GALNTL6: variants seen among roughly 807,000 people sequenced by gnomAD.
The protein encoded by GALNTL6 is polypeptide N-acetylgalactosaminyltransferase-like 6.
A neutral mutation model predicts 73.7 loss-of-function variants in GALNTL6; 46 were observed. The observed-to-expected ratio is 0.62, with a 90% CI of 0.49 to 0.80. GALNTL6 has a LOEUF of 0.80. Ranked by LOEUF, GALNTL6 falls within the 30% of genes least tolerant of loss-of-function variation. The pLI is 0.00. For synonymous variants in GALNTL6, 259 were observed against 263.7 expected (o/e 0.98, Z 0.17); for missense variants, 604 against 755.0 (o/e 0.80, Z 2.34).
intron 2 of GALNTL6, among the ~76,000 whole-genome samples, chr4:172,067,333 C>T (rs189699572): frequency 2.6e-5 from 4 of 152,128 alleles, no homozygotes; most frequent in South Asian, 2.1e-4. Context: ...CCCCTCTACT[C>T]GCCTCTTTCC....
At chr4:171,829,009 A>C (rs572463037) in intron 2 of GALNTL6, among the ~76,000 whole-genome samples, 4 of 152,252 alleles carry the variant, frequency 2.6e-5, no homozygotes, top group Admixed American at 2.6e-4. Flanking sequence ...TGCACATAAC[A>C]TGCAAAATAT....
intron 5 of GALNTL6, among the ~76,000 whole-genome samples, chr4:172,542,669 C>T (rs894625791): frequency 4.6e-5 from 7 of 152,160 alleles, no homozygotes; most frequent in Non-Finnish European, 1.0e-4. Flanking sequence ...ATGGCGAGAA[C>T]TTTGTTTTTC....
intron 3 of GALNTL6, among the ~76,000 whole-genome samples, chr4:172,283,761 A>G (rs1452751832): frequency 6.6e-6 from 1 of 152,168 alleles, no homozygotes; most frequent in Admixed American, 6.5e-5. Flanking sequence ...TATTGAATGT[A>G]AATAATTTGG....
intron 7 of GALNTL6, among the ~76,000 whole-genome samples, chr4:172,821,455 T>C (rs1295988339): frequency 1.3e-5 from 2 of 152,186 alleles, no homozygotes; most frequent in Admixed American, 6.5e-5. Flanking sequence ...GTTTTGTCAA[T>C]TAATGTTTCA....
At chr4:172,969,176 AAAAG>A (rs759522344) in intron 10 of GALNTL6, among the ~76,000 whole-genome samples, 24 of 152,268 alleles carry the variant, frequency 1.6e-4, no homozygotes, top group Middle Eastern at 6.8e-3. Context: ...GATGAACTAG[AAAAG>A]AAAGAAACAG....
chr4:172,177,454 T>C (rs1037003592), intron 2 of GALNTL6, among the ~76,000 whole-genome samples: 1 of 152,088 alleles, frequency 6.6e-6, no homozygotes, highest in Non-Finnish European at 1.5e-5. Flanking sequence ...CTAGATATTT[T>C]ACAAAATTAT....
Position 171,885,006 on chromosome 4 carries a change from G to A in GALNTL6, c.138+70288G>A, listed in dbSNP as rs190407100. Among the ~76,000 whole-genome samples, 358 of 151,670 alleles carry A rather than the reference G, an allele frequency of 2.4e-3. 1 individual carries two copies. Among genetic ancestry groups the A allele is most frequent in the African/African-American group, 8.1e-3 (335 of 41,266 alleles). ...CAGGAGGCGGAGGTTGCAGTGAGCT[G>A]AGATTGTGCTGCTGCACTCCAGCCT... On this transcript the variant is annotated intron_variant, in intron 2 of 12. Transcript: ENST00000506823.
intron 8 of GALNTL6, among the ~76,000 whole-genome samples, chr4:172,895,150 A>G (rs2111224250): frequency 6.6e-6 from 1 of 151,266 alleles, no homozygotes; most frequent in African/African-American, 2.4e-5. Flanking sequence ...TCATTCAGTC[A>G]CTGTGTCTTT....
At position 172,360,464 on chromosome 4, in the gene GALNTL6, A is replaced by G. The variant is rs200581543; in HGVS notation, c.553+11775A>G. On this transcript the variant is annotated intron_variant, in intron 5 of 12. Transcript: ENST00000506823. ...AAGTGTCCCATAATTCTGTATTTACATAAAAAATGTTAAAAGAGATGCTGT... is the reference window on the plus strand; with the variant it reads ...AAGTGTCCCATAATTCTGTATTTACGTAAAAAATGTTAAAAGAGATGCTGT... 1.0e-3 allele frequency among the ~76,000 whole-genome samples: 149 copies of G among 144,138 alleles called. 1 individual carries two copies. In the South Asian group the frequency reaches 0.017, roughly 16 times the overall value. The allele number at this position is 144,138 out of a possible 152,430, so 94.6% of individuals were successfully genotyped here.
chr4:172,242,104 T>A (rs2110994826), intron 3 of GALNTL6, among the ~76,000 whole-genome samples: 1 of 152,330 alleles, frequency 6.6e-6, no homozygotes, highest in South Asian at 2.1e-4. Flanking sequence ...CGTATAATTT[T>A]TTTTTAAGTA....
At chr4:172,228,020 G>A (rs1312479804) in intron 2 of GALNTL6, among the ~76,000 whole-genome samples, 4 of 152,082 alleles carry the variant, frequency 2.6e-5, no homozygotes, top group Non-Finnish European at 4.4e-5. Context: ...ACTTATCACT[G>A]TAAGAGCATG....
intron 5 of GALNTL6, among the ~76,000 whole-genome samples, chr4:172,526,031 ATGAAT>A (rs1470848429): frequency 6.6e-6 from 1 of 152,134 alleles, no homozygotes; most frequent in Non-Finnish European, 1.5e-5. Flanking sequence ...TAGTGCAATG[ATGAAT>A]TGAAGTTTAC....
chr4:172,290,011 A>G (rs548793443), intron 3 of GALNTL6, among the ~76,000 whole-genome samples: 5 of 152,254 alleles, frequency 3.3e-5, no homozygotes, highest in East Asian at 1.9e-4. Flanking sequence ...GGATTCAGTT[A>G]TTTCATCAAA....
intron 2 of GALNTL6, among the ~76,000 whole-genome samples, chr4:171,828,367 A>G (rs1734879469): frequency 6.6e-6 from 1 of 152,116 alleles, no homozygotes. Context: ...TTAGTGTAAA[A>G]CCATAACCTT....
At chr4:171,856,898 A>G (rs1045709638) in intron 2 of GALNTL6, among the ~76,000 whole-genome samples, 2 of 152,134 alleles carry the variant, frequency 1.3e-5, no homozygotes, top group Non-Finnish European at 2.9e-5. Flanking sequence ...TTTCTCCTTC[A>G]ATATTGTCAT....
At chr4:172,156,547 A>ATATACTATATATATATATATATATATAG (rs1553997713) in intron 2 of GALNTL6, among the ~76,000 whole-genome samples, 1 of 113,776 alleles carries the variant, frequency 8.8e-6, no homozygotes, top group African/African-American at 3.9e-5. Context: ...TATAATATAT[A>ATATACTATATATATATATATATATATAG]TATATATATA....
At chr4:171,955,848 T>C (rs1739028889) in intron 2 of GALNTL6, among the ~76,000 whole-genome samples, 1 of 152,142 alleles carries the variant, frequency 6.6e-6, no homozygotes, top group African/African-American at 2.4e-5. Flanking sequence ...AACATACTCT[T>C]AACTTGCTTT....
intron 5 of GALNTL6, among the ~76,000 whole-genome samples, chr4:172,608,969 T>G (rs1349581299): frequency 6.6e-6 from 1 of 152,118 alleles, no homozygotes; most frequent in African/African-American, 2.4e-5. Flanking sequence ...TTTTGTATGT[T>G]AATTTTGTAT....
chr4:172,918,363 G>A (rs1022325282), intron 8 of GALNTL6, among the ~76,000 whole-genome samples: 2 of 151,852 alleles, frequency 1.3e-5, no homozygotes, highest in Admixed American at 6.6e-5. Context: ...TTGTGCACAT[G>A]TACCCTAGAA....
Sources: allele counts gnomAD v4.1 joint callset (sites outside exome capture counted in the v4.1 genomes callset), GRCh38; gene constraint gnomAD v4.1.1; transcripts MANE v1.5; gene names NCBI Gene and HGNC (gene_info 2026-07-23, HGNC 2026-07-21).